The following NNT variants were observed in gnomAD, a reference collection of about 807,000 sequenced individuals.
NNT encodes NAD(P) transhydrogenase, mitochondrial.
In NNT, 50 loss-of-function variants were observed where a neutral mutation model predicts 104.8. That is an observed-to-expected ratio of 0.48 (90% CI 0.38 to 0.60). The LOEUF (loss-of-function observed/expected upper bound fraction) is 0.60. Ranked by LOEUF, NNT falls within the 20% of genes least tolerant of loss-of-function variation. NNT has a pLI of 0.00. For missense variants in NNT, 1,131 were observed against 1,330.7 expected, an observed-to-expected ratio of 0.85 and a Z score of 2.33; for synonymous variants, 461 against 490.4, an observed-to-expected ratio of 0.94 and a Z score of 0.79.
intron 14 of NNT, among the ~76,000 whole-genome samples, chr5:43,654,617 T>G (rs934859119): frequency 1.3e-5 from 2 of 152,254 alleles, no homozygotes; most frequent in Non-Finnish European, 2.9e-5. Context: ...GCTACAGATG[T>G]AAGAGTTTAG....
intron 7 of NNT, among the ~76,000 whole-genome samples, chr5:43,641,556 T>G (rs1359535551): frequency 6.6e-6 from 1 of 152,130 alleles, no homozygotes; most frequent in Non-Finnish European, 1.5e-5. Context: ...GTATCATATA[T>G]GTATTGTATT....
chr5:43,690,429 A>G (rs1368337244), intron 19 of NNT, among the ~76,000 whole-genome samples: 1 of 152,202 alleles, frequency 6.6e-6, no homozygotes, highest in East Asian at 1.9e-4. Context: ...GGTTTTGGGA[A>G]GAGCAGTGGG....
intron 14 of NNT, among the ~76,000 whole-genome samples, chr5:43,653,819 G>A (rs1478791781): frequency 3.3e-5 from 5 of 152,032 alleles, no homozygotes; most frequent in Admixed American, 3.3e-4. Context: ...GTTGGGCATG[G>A]TGGCGTACAA....
At chr5:43,649,083 G>A (rs1739610483) in intron 10 of NNT, 64 bp from the exon 11 acceptor site, 2 of 1,551,316 alleles carry the variant, frequency 1.3e-6, no homozygotes, top group African/African-American at 1.4e-5. Context: ...TTATGTATGT[G>A]CTTTTAATCT....
At chr5:43,687,730 A>T (rs1022006692) in intron 19 of NNT, among the ~76,000 whole-genome samples, 1 of 152,238 alleles carries the variant, frequency 6.6e-6, no homozygotes, top group Admixed American at 6.5e-5. Context: ...TAGGCATAAC[A>T]TGATGGTTAT....
At chr5:43,653,918 G>A (rs1739903229) in intron 14 of NNT, among the ~76,000 whole-genome samples, 1 of 150,568 alleles carries the variant, frequency 6.6e-6, no homozygotes, top group Non-Finnish European at 1.5e-5. Context: ...TCATGCTGCT[G>A]CACTCCAGCC....
chr5:43,646,462 G>T (rs1024864383), intron 10 of NNT, among the ~76,000 whole-genome samples: 5 of 147,458 alleles, frequency 3.4e-5, no homozygotes, highest in Non-Finnish European at 6.0e-5. Context: ...GCTAATTTTT[G>T]TATTTTTTTT....
chr5:43,662,775 C>T (rs1156878661), intron 17 of NNT, among the ~76,000 whole-genome samples: 3 of 151,884 alleles, frequency 2.0e-5, no homozygotes, highest in Non-Finnish European at 2.9e-5. Context: ...TGCCTATAGT[C>T]CCAGCTACTT....
intron 19 of NNT, among the ~76,000 whole-genome samples, chr5:43,694,557 G>A (rs1226859204): frequency 1.3e-5 from 2 of 152,120 alleles, no homozygotes; most frequent in African/African-American, 4.8e-5. Flanking sequence ...TCTGTCTTTA[G>A]TTCTGTTTAT....
intron 5 of NNT, among the ~76,000 whole-genome samples, chr5:43,623,004 G>C (rs992105715): frequency 1.3e-5 from 2 of 150,884 alleles, no homozygotes; most frequent in Non-Finnish European, 3.0e-5. Flanking sequence ...GGAAGAGTTT[G>C]GTGCTTTGAA....
chr5:43,679,213 T>C lies in NNT; in HGVS notation c.2876+1407T>C, dbSNP rs368451817. ...TGTAGGCCTGCAAGTGAAAATGATA[T>C]GTTAAACAACGTTTTATGATTTTCC... On this transcript the variant is annotated intron_variant, in intron 19 of 21. Coordinates refer to ENST00000344920, the MANE Select transcript of NNT (RefSeq NM_182977.3). Among the ~76,000 whole-genome samples, 100 of 152,386 alleles carry C rather than the reference T, an allele frequency of 6.6e-4. 2 individuals are homozygous for C. The highest frequency in any genetic ancestry group is 2.4e-3 in the African/African-American group (98 of 41,600).
chr5:43,680,359 T>C (rs537999510), intron 19 of NNT, among the ~76,000 whole-genome samples: 209 of 152,282 alleles, frequency 1.4e-3, no homozygotes, highest in African/African-American at 4.8e-3. Context: ...TAAATCTGTA[T>C]TTACAGTTTG....
In NNT at chr5:43,659,280, A is replaced by G. The variant is rs762830247; in HGVS notation, c.2564A>G (p.Asn855Ser). 3 of 1,614,062 alleles carry G rather than the reference A, an allele frequency of 1.9e-6. No individual in the cohort carries two copies. Among genetic ancestry groups the G allele is most frequent in the Admixed American group, 3.3e-5 (2 of 60,016 alleles). ...TGTGCAGAGGGCTTCCTGCTCAACA[A>G]CAATCTGCTGACCATCGTGGGTGCA... ...ALCAEGFLLN[N>S]NLLTIVGALI... The change falls in exon 17 of 22, where the codon AAC (asparagine) becomes AGC (serine). Residue 855 changes from asparagine to serine, a missense_variant. Transcript: ENST00000344920.
chr5:43,649,040 G>A, intron 10 of NNT, 107 bp from the exon 11 acceptor site: 1 of 1,268,572 alleles, frequency 7.9e-7, no homozygotes, highest in Non-Finnish European at 1.1e-6. Context: ...TGGCAAGGGA[G>A]TGGAATTTAA....
intron 13 of NNT, 58 bp downstream of exon 13, chr5:43,651,942 T>TAATC (rs3840358): frequency 0.04 from 60,867 of 1,534,592 alleles, 1,600 homozygotes; most frequent in East Asian, 0.11. Flanking sequence ...TCTATTAGAT[T>TAATC]TAACATTGTT....
intron 6 of NNT, among the ~76,000 whole-genome samples, chr5:43,627,777 AT>A (rs1750446086): frequency 6.6e-6 from 1 of 152,126 alleles, no homozygotes. Context: ...ATAAAGAGTT[AT>A]TTTTGTGGGA....
intron 12 of NNT, 112 bp from the exon 13 acceptor site, chr5:43,651,627 C>T (rs1384702827): frequency 9.7e-6 from 11 of 1,129,722 alleles, no homozygotes; most frequent in Non-Finnish European, 1.4e-5. Flanking sequence ...TATATTTGTT[C>T]CTAGGTGATA....
intron 5 of NNT, among the ~76,000 whole-genome samples, chr5:43,620,313 G>A (rs1387976622): frequency 4.6e-5 from 7 of 151,858 alleles, no homozygotes; most frequent in African/African-American, 7.3e-5. Context: ...TCCACCTCCC[G>A]GGTTCATGCC....
In NNT at chr5:43,609,273, A is replaced by G; in HGVS notation, c.78A>G (p.Leu26=). The G allele has an allele frequency of 1.2e-6, 2 of 1,614,064 alleles. No individual in the cohort carries two copies. The highest frequency in any genetic ancestry group is 1.7e-6 in the Non-Finnish European group (2 of 1,179,940). ...LLSNLGSCKG[L]RVKKDFLRTF... ...GCAATTTGGGGTCCTGTAAGGGTCT[A>G]CGTGTGAAGAAGGATTTTTTACGAA... Residue 26 remains leucine, a synonymous_variant, in exon 2 of 22, where the codon CTA becomes CTG. Coordinates refer to ENST00000344920, the MANE Select transcript of NNT (RefSeq NM_182977.3).
Sources: allele counts gnomAD v4.1 joint callset (sites outside exome capture counted in the v4.1 genomes callset), GRCh38; gene constraint gnomAD v4.1.1; transcripts MANE v1.5; gene names NCBI Gene and HGNC (gene_info 2026-07-23, HGNC 2026-07-21).